XPR1: variants seen among roughly 807,000 people sequenced by gnomAD.
The protein encoded by XPR1 is solute carrier family 53 member 1.
XPR1 carries 28 observed loss-of-function variants against 87.5 expected under a neutral mutation model. The ratio of observed to expected loss-of-function variants is 0.32; its 90% CI spans 0.24 to 0.44. The LOEUF is 0.44. Among genes scored for constraint, XPR1 ranks in the 20% least tolerant of loss-of-function variants. The pLI, the probability that XPR1 is intolerant of heterozygous loss-of-function variation, is 1.00. For synonymous variants in XPR1, 300 were observed against 306.1 expected, an observed-to-expected ratio of 0.98 and a Z score of 0.21; for missense variants, 559 against 862.3, an observed-to-expected ratio of 0.65 and a Z score of 4.41.
At chr1:180,858,087 A>G (rs1475044584) in intron 11 of XPR1, among the ~76,000 whole-genome samples, 1 of 152,106 alleles carries the variant, frequency 6.6e-6, no homozygotes. Flanking sequence ...GTGGTGGCGC[A>G]TGCCTGCAGT....
intron 7 of XPR1, among the ~76,000 whole-genome samples, chr1:180,817,324 G>T (rs1650445923): frequency 6.6e-6 from 1 of 152,046 alleles, no homozygotes; most frequent in African/African-American, 2.4e-5. Context: ...TAAATTCAGT[G>T]TAGCCTAAGT....
chr1:180,848,468 C>G (rs901653041), intron 11 of XPR1, among the ~76,000 whole-genome samples: 1 of 152,130 alleles, frequency 6.6e-6, no homozygotes, highest in Non-Finnish European at 1.5e-5. Context: ...CCAGTTCCAT[C>G]TGTTTTGCTG....
Position 180,730,822 on chromosome 1 carries a change from C to A in XPR1, c.121+48411C>A, listed in dbSNP as rs1372486993. Among the ~76,000 whole-genome samples, 5 of 136,074 alleles carry A rather than the reference C, an allele frequency of 3.7e-5. No homozygotes were observed. In the East Asian group the frequency reaches 9.8e-4, roughly 27 times the overall value. The allele number at this position is 136,074 out of a possible 152,430, so 89.3% of individuals were successfully genotyped here. A position where few individuals can be genotyped will look rare whatever the true frequency, so the allele number is the denominator to read the frequency against. Reference sequence around the variant, plus strand: ...GGACCATAAGTGTTCACCACCATGCCCAGCTAATTTTTTTTTTTATTTTTT... The same window carrying A: ...GGACCATAAGTGTTCACCACCATGCACAGCTAATTTTTTTTTTTATTTTTT... On this transcript the variant is annotated intron_variant, in intron 2 of 14. Transcript: ENST00000367590.
chr1:180,861,111 A>G (rs1652205942), intron 11 of XPR1, among the ~76,000 whole-genome samples: 1 of 152,116 alleles, frequency 6.6e-6, no homozygotes, highest in Admixed American at 6.6e-5. Flanking sequence ...AGAAATACTC[A>G]TTTTGTTATC....
chr1:180,673,245 G>A (rs1439492231), intron 1 of XPR1, among the ~76,000 whole-genome samples: 1 of 152,030 alleles, frequency 6.6e-6, no homozygotes, highest in Non-Finnish European at 1.5e-5. Flanking sequence ...TGTTCTCATT[G>A]AATATACATG....
chr1:180,780,670 A>G (rs1373542447), intron 2 of XPR1, among the ~76,000 whole-genome samples: 4 of 151,776 alleles, frequency 2.6e-5, no homozygotes, highest in East Asian at 3.9e-4. Flanking sequence ...GGGGAGGCTG[A>G]GGCAGGAGAA....
intron 2 of XPR1, among the ~76,000 whole-genome samples, chr1:180,732,021 C>T (rs1033705781): frequency 2.0e-5 from 3 of 152,080 alleles, no homozygotes; most frequent in African/African-American, 4.8e-5. Context: ...GGCAAAGCCC[C>T]GCCTCTACTA....
chr1:180,661,335 ATTTATG>A (rs778709440), intron 1 of XPR1, among the ~76,000 whole-genome samples: 1 of 151,698 alleles, frequency 6.6e-6, no homozygotes, highest in Non-Finnish European at 1.5e-5. Flanking sequence ...CTTAAACTCC[ATTTATG>A]TTCAGTATTA....
chr1:180,825,831 A>G (rs1650812619), intron 9 of XPR1, among the ~76,000 whole-genome samples: 1 of 152,202 alleles, frequency 6.6e-6, no homozygotes, highest in Admixed American at 6.5e-5. Flanking sequence ...CGGGTGGATC[A>G]TCTGAGGTCA....
chr1:180,785,011 T>TTGTGTGTGTGTGTGTGTGTGTGTGTGTG (rs1186269708), intron 2 of XPR1, among the ~76,000 whole-genome samples: 2 of 136,392 alleles, frequency 1.5e-5, no homozygotes, highest in African/African-American at 2.7e-5. Flanking sequence ...GTGTGTGTGT[T>TTGTGTGTGTGTGTGTGTGTGTGTGTGTG]TGTGTGTGTG....
intron 2 of XPR1, among the ~76,000 whole-genome samples, chr1:180,777,310 A>G (rs565103047): frequency 1.3e-5 from 2 of 152,322 alleles, no homozygotes; most frequent in African/African-American, 2.4e-5. Context: ...TTTAGAAAGC[A>G]TATTTGATCA....
chr1:180,755,045 A>G (rs1162443774), intron 2 of XPR1, among the ~76,000 whole-genome samples: 1 of 152,216 alleles, frequency 6.6e-6, no homozygotes, highest in Admixed American at 6.5e-5. Flanking sequence ...TAGAGAAGGA[A>G]GTTACCGATA....
intron 7 of XPR1, among the ~76,000 whole-genome samples, chr1:180,814,054 A>G (rs1388468915): frequency 1.3e-5 from 2 of 152,238 alleles, no homozygotes; most frequent in Non-Finnish European, 2.9e-5. Flanking sequence ...AGTTCCCAAC[A>G]CATTGTCAAG....
chr1:180,861,892 G>GA (rs1389092560), intron 11 of XPR1, among the ~76,000 whole-genome samples: 1 of 151,930 alleles, frequency 6.6e-6, no homozygotes, highest in Non-Finnish European at 1.5e-5. Context: ...GTGGAGTGAG[G>GA]AAAAGATGTA....
Position 180,884,209 on chromosome 1 carries a change from T to A in XPR1, c.*143T>A. On this transcript the variant is annotated 3_prime_UTR_variant, in exon 15 of 15. Coordinates refer to ENST00000367590, the MANE Select transcript of XPR1 (RefSeq NM_004736.4). ...CCGAGCTCTTCCGGATCGGATCCTA[T>A]GGACTCCAAACAAGCTCACTGTGTT... is the stretch of plus-strand genomic sequence containing the variant. 1.7e-6 allele frequency: 1 copy of A among 574,240 alleles called. No homozygotes were observed. Among genetic ancestry groups the A allele is most frequent in the Non-Finnish European group, 3.0e-6 (1 of 332,360 alleles). The allele number at this position is 574,240 out of a possible 1,614,324, so 35.6% of individuals were successfully genotyped here. A position where few individuals can be genotyped will look rare whatever the true frequency, so the allele number is the denominator to read the frequency against.
chr1:180,646,180 A>G (rs941567103), intron 1 of XPR1, among the ~76,000 whole-genome samples: 5 of 152,206 alleles, frequency 3.3e-5, no homozygotes, highest in African/African-American at 9.7e-5. Flanking sequence ...GTTACAGTGC[A>G]AGCCAAAAGA....
At chr1:180,720,960 C>T (rs780564923) in intron 2 of XPR1, among the ~76,000 whole-genome samples, 2 of 152,066 alleles carry the variant, frequency 1.3e-5, no homozygotes, top group Non-Finnish European at 2.9e-5. Context: ...GGAGGCCAGG[C>T]GTGGTGACTC....
chr1:180,651,055 C>G (rs1655278016), intron 1 of XPR1, among the ~76,000 whole-genome samples: 1 of 151,526 alleles, frequency 6.6e-6, no homozygotes, highest in South Asian at 2.1e-4. Flanking sequence ...CTTTCGATGT[C>G]ATAAAGTATC....
At chr1:180,808,758 T>C (rs1650093464) in intron 6 of XPR1, among the ~76,000 whole-genome samples, 1 of 152,192 alleles carries the variant, frequency 6.6e-6, no homozygotes, top group Non-Finnish European at 1.5e-5. Context: ...ATACATTGTC[T>C]GTTAGAATGA....
Sources: gnomAD v4.1 joint callset for allele counts (sites outside exome capture counted in the v4.1 genomes callset) on GRCh38, gnomAD v4.1.1 for gene constraint, MANE v1.5 for transcripts, NCBI Gene and HGNC (gene_info 2026-07-23, HGNC 2026-07-21) for gene names.